The following GAS7 variants were observed in gnomAD, a reference collection of about 807,000 sequenced individuals.
GAS7 encodes growth arrest-specific protein 7.
In GAS7, 28 loss-of-function variants were observed where a neutral mutation model predicts 71.1. That is an observed-to-expected ratio of 0.39 (90% CI 0.29 to 0.54). GAS7 has a LOEUF of 0.54. Among genes scored for constraint, GAS7 ranks in the 20% least tolerant of loss-of-function variants. GAS7 has a pLI of 0.62. For synonymous variants in GAS7, 258 were observed against 245.8 expected (o/e 1.05, Z -0.46); for missense variants, 436 against 627.8 (o/e 0.69, Z 3.27).
At chr17:10,119,416 G>A (rs1394310645) in intron 1 of GAS7, among the ~76,000 whole-genome samples, 1 of 152,226 alleles carries the variant, frequency 6.6e-6, no homozygotes, top group Non-Finnish European at 1.5e-5. Context: ...TATTTAAGGA[G>A]ACAGAGGTTA....
At chr17:9,947,836 A>AC (rs1238353041) in intron 5 of GAS7, among the ~76,000 whole-genome samples, 2 of 88,628 alleles carry the variant, frequency 2.3e-5, no homozygotes, top group East Asian at 2.5e-4. Flanking sequence ...TTAAAAACAA[A>AC]AAAAAAAAAA....
chr17:9,932,343 C>A (rs747725648), intron 9 of GAS7, among the ~76,000 whole-genome samples: 27 of 151,970 alleles, frequency 1.8e-4, no homozygotes, highest in Non-Finnish European at 3.4e-4. Context: ...TACAGGCATG[C>A]GCCACCAAGC....
intron 7 of GAS7, among the ~76,000 whole-genome samples, chr17:9,940,726 C>G (rs62064527): frequency 0.24 from 36,119 of 152,060 alleles, 4,809 homozygotes; most frequent in Non-Finnish European, 0.3. Context: ...TCCACGGAAA[C>G]CTAGCAGTGC....
chr17:10,078,626 T>G (rs2073422471), intron 1 of GAS7, among the ~76,000 whole-genome samples: 1 of 151,710 alleles, frequency 6.6e-6, no homozygotes, highest in Admixed American at 6.6e-5. Context: ...AGGGAAGAGG[T>G]TATATATGGA....
At chr17:10,085,963 G>A (rs906513142) in intron 1 of GAS7, among the ~76,000 whole-genome samples, 2 of 152,102 alleles carry the variant, frequency 1.3e-5, no homozygotes, top group Non-Finnish European at 2.9e-5. Context: ...CTCCTGCCTC[G>A]CCTCAAGAAA....
chr17:10,019,851 A>G lies in GAS7; in HGVS notation c.230T>C (p.Val77Ala). The change falls in exon 2 of 14, where the codon GTC becomes GCC. Residue 77 changes from valine to alanine, a missense_variant. Val to Ala is a moderately conservative substitution (Grantham distance 64, BLOSUM62 0). Coordinates refer to ENST00000432992, the MANE Select transcript of GAS7 (RefSeq NM_201433.2). The stretch of plus-strand genomic sequence containing the variant: ...GCTCTGCCAGCCAGGTGGAAGGATG[A>G]CCGTCTGGCTTTCTTCTCCCGGCGG... ...PPPPGEESQTVILPPGWQSYL... is the reference protein window; with the variant it reads ...PPPPGEESQTAILPPGWQSYL... The G allele has an allele frequency of 1.2e-6, 2 of 1,613,592 alleles. No homozygotes were observed. Among genetic ancestry groups the G allele is most frequent in the Non-Finnish European group, 1.7e-6 (2 of 1,179,522 alleles).
chr17:10,141,081 C>T (rs2074076262), intron 1 of GAS7, among the ~76,000 whole-genome samples: 2 of 152,228 alleles, frequency 1.3e-5, no homozygotes, highest in Non-Finnish European at 1.5e-5. Context: ...GGCTCCAGGG[C>T]CCTGGCCCTG....
At chr17:9,928,176 G>A (rs538674267) in intron 9 of GAS7, among the ~76,000 whole-genome samples, 3 of 151,660 alleles carry the variant, frequency 2.0e-5, no homozygotes, top group African/African-American at 4.8e-5. Flanking sequence ...GCAGCGACGC[G>A]ATCTCGGCTC....
chr17:9,944,484 G>T (rs150990369), intron 6 of GAS7, among the ~76,000 whole-genome samples: 1 of 152,326 alleles, frequency 6.6e-6, no homozygotes, highest in Non-Finnish European at 1.5e-5. Flanking sequence ...GGGGTGGGTT[G>T]CATCTCTCAG....
chr17:10,109,008 G>A (rs1177808077), intron 1 of GAS7, among the ~76,000 whole-genome samples: 1 of 151,910 alleles, frequency 6.6e-6, no homozygotes, highest in South Asian at 2.1e-4. Flanking sequence ...CAAAGCAAAG[G>A]AAACAGTCAA....
Position 10,173,693 on chromosome 17 carries a change from G to A in GAS7, c.183+24515C>T, listed in dbSNP as rs185994670. Among the ~76,000 whole-genome samples the A allele has an allele frequency of 4.8e-3, 723 of 152,118 alleles. 3 individuals carry two copies. The highest frequency in any genetic ancestry group is 7.5e-3 in the Non-Finnish European group (511 of 68,000). On this transcript the variant is annotated intron_variant, in intron 1 of 13. Coordinates refer to ENST00000432992, the MANE Select transcript of GAS7 (RefSeq NM_201433.2). ...TGAGGCAAGAGAATGGCGTGAATGC[G>A]GGAGGGGGAGCTTGTAGTGAGCCGA...
At chr17:10,134,857 A>G (rs1477192737) in intron 1 of GAS7, among the ~76,000 whole-genome samples, 1 of 150,238 alleles carries the variant, frequency 6.7e-6, no homozygotes, top group Non-Finnish European at 1.5e-5. Flanking sequence ...TTTTTAAGAC[A>G]GTCTCTCGCC....
intron 1 of GAS7, among the ~76,000 whole-genome samples, chr17:10,125,859 T>A (rs2073941663): frequency 6.6e-6 from 1 of 152,168 alleles, no homozygotes; most frequent in South Asian, 2.1e-4. Context: ...GTTATTTATA[T>A]AAACACTTCC....
At chr17:10,009,693 A>T (rs1427337350) in intron 2 of GAS7, among the ~76,000 whole-genome samples, 4 of 151,038 alleles carry the variant, frequency 2.6e-5, no homozygotes, top group Non-Finnish European at 5.9e-5. Flanking sequence ...AAAAAAACCA[A>T]ACAAAAAATA....
intron 1 of GAS7, among the ~76,000 whole-genome samples, chr17:10,136,997 C>A (rs1220488585): frequency 1.3e-5 from 2 of 152,080 alleles, no homozygotes; most frequent in African/African-American, 4.8e-5. Context: ...ACCTGTAGTC[C>A]CAGCTACCCA....
intron 1 of GAS7, among the ~76,000 whole-genome samples, chr17:10,076,260 A>AAGGGG (rs2073391060): frequency 1.7e-5 from 1 of 60,332 alleles, no homozygotes; most frequent in Non-Finnish European, 3.3e-5. Flanking sequence ...GGGGACGGGG[A>AAGGGG]AGGGGAGGGG....
intron 1 of GAS7, among the ~76,000 whole-genome samples, chr17:10,130,749 C>T (rs576204441): frequency 2.0e-5 from 3 of 152,332 alleles, no homozygotes; most frequent in African/African-American, 7.2e-5. Context: ...ACAAGCCAGA[C>T]ACAAAAGGCT....
At chr17:10,089,670 C>T (rs758859637) in intron 1 of GAS7, among the ~76,000 whole-genome samples, 20 of 151,932 alleles carry the variant, frequency 1.3e-4, no homozygotes, top group Non-Finnish European at 2.5e-4. Context: ...GCCCTGCTCA[C>T]AGAAGGAGTA....
intron 1 of GAS7, chr17:10,114,487 C>G (rs889181041): frequency 6.6e-6 from 1 of 152,124 alleles, no homozygotes; most frequent in African/African-American, 2.4e-5. Context: ...GGTGCCACCA[C>G]CAAAGGCAGG....
Sources: gnomAD v4.1 joint callset for allele counts (sites outside exome capture counted in the v4.1 genomes callset) on GRCh38, gnomAD v4.1.1 for gene constraint, MANE v1.5 for transcripts, NCBI Gene and HGNC (gene_info 2026-07-23, HGNC 2026-07-21) for gene names.